TRAF3: variants seen among roughly 807,000 people sequenced by gnomAD.
The protein encoded by TRAF3 is TNF receptor-associated factor 3.
A neutral mutation model predicts 62.3 loss-of-function variants in TRAF3; 13 were observed. That is an observed-to-expected ratio of 0.21 (90% CI 0.14 to 0.33). TRAF3 has a LOEUF of 0.33. Among genes scored for constraint, TRAF3 ranks in the 10% least tolerant of loss-of-function variants. TRAF3 has a pLI of 1.00. For missense variants in TRAF3, 440 were observed against 741.8 expected, an observed-to-expected ratio of 0.59 and a Z score of 4.73; for synonymous variants, 269 against 283.4, an observed-to-expected ratio of 0.95 and a Z score of 0.51.
chr14:102,807,968 A>C (rs929305574), intron 1 of TRAF3, among the ~76,000 whole-genome samples: 2 of 152,236 alleles, frequency 1.3e-5, no homozygotes, highest in African/African-American at 4.8e-5. Flanking sequence ...TTGAGGCAGC[A>C]TACCTCTATG....
intron 1 of TRAF3, among the ~76,000 whole-genome samples, chr14:102,816,189 G>A (rs558001735): frequency 2.6e-5 from 4 of 151,308 alleles, no homozygotes; most frequent in South Asian, 2.1e-4. Context: ...TTCAACCTCC[G>A]CCTCCTGGGC....
chr14:102,837,033 T>A (rs1378869797), intron 2 of TRAF3, among the ~76,000 whole-genome samples: 1 of 152,098 alleles, frequency 6.6e-6, no homozygotes, highest in Non-Finnish European at 1.5e-5. Context: ...CTCATCCAGA[T>A]GCATTTGGAT....
intron 2 of TRAF3, among the ~76,000 whole-genome samples, chr14:102,869,979 A>G (rs1349034486): frequency 1.3e-5 from 2 of 151,984 alleles, no homozygotes; most frequent in East Asian, 3.9e-4. Context: ...AATAATATCA[A>G]TAGTTACTAT....
intron 10 of TRAF3, among the ~76,000 whole-genome samples, chr14:102,901,372 G>A (rs1370542236): frequency 1.3e-5 from 2 of 152,180 alleles, no homozygotes; most frequent in South Asian, 4.1e-4. Flanking sequence ...TACAAAGGGC[G>A]TCTCTCAGAC....
chr14:102,870,178 C>T lies in TRAF3; in HGVS notation c.-17-7C>T, dbSNP rs369814888. 2 of 1,613,836 alleles carry T rather than the reference C, an allele frequency of 1.2e-6. No individual in the cohort carries two copies. Among genetic ancestry groups the T allele is most frequent in the African/African-American group, 1.3e-5 (1 of 74,868 alleles). ...TATGATGGCACTCTACTGTTTTTTCCCGACAGAACTCCTCTTTCCTAAAAT... is the reference window on the plus strand; with the variant it reads ...TATGATGGCACTCTACTGTTTTTTCTCGACAGAACTCCTCTTTCCTAAAAT... On this transcript the variant is annotated splice_polypyrimidine_tract_variant and splice_region_variant and intron_variant, in intron 2 of 11. Transcript: ENST00000392745.
chr14:102,792,308 G>C (rs974657710), intron 1 of TRAF3, among the ~76,000 whole-genome samples: 2 of 151,020 alleles, frequency 1.3e-5, no homozygotes, highest in Admixed American at 1.3e-4. Flanking sequence ...TTTAATTTTT[G>C]TGGAGACAGG....
At chr14:102,843,312 AAAT>A (rs1312043186) in intron 2 of TRAF3, among the ~76,000 whole-genome samples, 1 of 152,088 alleles carries the variant, frequency 6.6e-6, no homozygotes, top group African/African-American at 2.4e-5. Context: ...GATAGAAAGA[AAAT>A]AATATTTGAT....
intron 1 of TRAF3, among the ~76,000 whole-genome samples, chr14:102,798,006 G>A (rs1034815037): frequency 6.6e-6 from 1 of 152,022 alleles, no homozygotes; most frequent in Non-Finnish European, 1.5e-5. Flanking sequence ...CAGAGTGCTG[G>A]GATTACAGGT....
At chr14:102,840,039 A>G (rs763885891) in intron 2 of TRAF3, among the ~76,000 whole-genome samples, 1 of 152,166 alleles carries the variant, frequency 6.6e-6, no homozygotes, top group Non-Finnish European at 1.5e-5. Context: ...CATTTCCACT[A>G]TGATGGAATT....
chr14:102,904,236 C>A (rs1331508555), intron 11 of TRAF3, among the ~76,000 whole-genome samples: 1 of 152,244 alleles, frequency 6.6e-6, no homozygotes. Flanking sequence ...TGTGTCCAGA[C>A]AGACAGGGCT....
chr14:102,881,063 G>A (rs1454753793), intron 6 of TRAF3, among the ~76,000 whole-genome samples: 1 of 151,852 alleles, frequency 6.6e-6, no homozygotes, highest in African/African-American at 2.4e-5. Flanking sequence ...CTCCAGCCTG[G>A]TCAACAAGAG....
chr14:102,819,712 T>C (rs1418133602), intron 1 of TRAF3, among the ~76,000 whole-genome samples: 2 of 152,214 alleles, frequency 1.3e-5, no homozygotes, highest in Admixed American at 1.3e-4. Context: ...TTGAGATTTT[T>C]AGAACAGAAA....
intron 6 of TRAF3, among the ~76,000 whole-genome samples, chr14:102,879,307 T>G (rs1888904658): frequency 6.6e-6 from 1 of 152,156 alleles, no homozygotes; most frequent in East Asian, 1.9e-4. Context: ...AGTCTCACTC[T>G]GTCATCCAGG....
chr14:102,860,530 A>C (rs1887621650), intron 2 of TRAF3, among the ~76,000 whole-genome samples: 1 of 152,130 alleles, frequency 6.6e-6, no homozygotes, highest in African/African-American at 2.4e-5. Context: ...TTATTACCCA[A>C]CTTTAGCCAC....
At chr14:102,800,762 C>T (rs1347836458) in intron 1 of TRAF3, among the ~76,000 whole-genome samples, 1 of 138,716 alleles carries the variant, frequency 7.2e-6, no homozygotes, top group East Asian at 2.2e-4. Flanking sequence ...GTGGTGTGAT[C>T]AAAGCTCTCT....
intron 1 of TRAF3, among the ~76,000 whole-genome samples, chr14:102,783,040 C>T (rs1897330026): frequency 6.6e-6 from 1 of 152,156 alleles, no homozygotes; most frequent in Non-Finnish European, 1.5e-5. Context: ...GTTAGGAGGC[C>T]TGCGTACACA....
intron 1 of TRAF3, among the ~76,000 whole-genome samples, chr14:102,783,311 A>G (rs932398109): frequency 6.6e-6 from 1 of 152,164 alleles, no homozygotes; most frequent in Non-Finnish European, 1.5e-5. Context: ...GATTTGTTGC[A>G]TTATGGGGGT....
At position 102,904,434 on chromosome 14, in the gene TRAF3, G is replaced by C. The variant is rs545075623; in HGVS notation, c.1136-779G>C. ...GTGTGGCCTATAGTCCCAGTGCTTT[G>C]GGAGGCTGAGGCAGGAGGATTACTT... is the stretch of plus-strand genomic sequence containing the variant. On this transcript the variant is annotated intron_variant, in intron 11 of 11. Transcript: ENST00000392745. 4.6e-5 allele frequency among the ~76,000 whole-genome samples: 7 copies of C among 152,314 alleles called. No individual in the cohort carries two copies. In the East Asian group the frequency reaches 1.4e-3, roughly 29 times the overall value.
chr14:102,800,954 G>A (rs1312101724), intron 1 of TRAF3, among the ~76,000 whole-genome samples: 17 of 152,002 alleles, frequency 1.1e-4, no homozygotes, highest in South Asian at 6.2e-4. Flanking sequence ...CAAGGCGGGC[G>A]GATCACGAGG....
Sources: gnomAD v4.1 joint callset for allele counts (sites outside exome capture counted in the v4.1 genomes callset) on GRCh38, gnomAD v4.1.1 for gene constraint, MANE v1.5 for transcripts, NCBI Gene and HGNC (gene_info 2026-07-23, HGNC 2026-07-21) for gene names.